The following MICAL3 variants were observed in gnomAD, a reference collection of about 807,000 sequenced individuals.
MICAL3 encodes the protein [F-actin]-monooxygenase MICAL3.
Under a neutral mutation model 207.4 loss-of-function variants are expected in MICAL3, and 62 were observed. The observed-to-expected ratio is 0.30, with a 90% CI of 0.24 to 0.37. The LOEUF (loss-of-function observed/expected upper bound fraction) is 0.37. Among genes scored for constraint, MICAL3 ranks in the 10% least tolerant of loss-of-function variants. MICAL3 has a pLI of 1.00. For synonymous variants in MICAL3, 1,077 were observed against 1,069.3 expected (o/e 1.01, Z -0.14); for missense variants, 2,368 against 2,635.6 (o/e 0.90, Z 2.22).
rs369532856 is a variant in MICAL3, at chr22:17,823,001, C to A, written c.3253G>T (p.Gly1085Trp). The change falls in exon 23 of 32, where the codon GGG becomes TGG. Residue 1085 changes from glycine (G) to tryptophan (W), a missense_variant. This residue lies in a region of MICAL3 where 1,770 missense variants were observed against 1,863.2 expected (regional missense o/e 0.95). Transcript: ENST00000441493. ...DVDSEPAEIE[G>W]EAAEDGDPGD... The stretch of plus-strand genomic sequence containing the variant: ...GGGTCCCCATCCTCTGCTGCCTCCC[C>A]TTCTATCTCGGCTGGTTCTGAGTCC... 1 of 1,613,970 alleles carries A rather than the reference C, an allele frequency of 6.2e-7. No individual in the cohort carries two copies.
intron 1 of MICAL3, among the ~76,000 whole-genome samples, chr22:17,960,940 T>G (rs1934883345): frequency 6.6e-6 from 1 of 152,000 alleles, no homozygotes; most frequent in Non-Finnish European, 1.5e-5. Context: ...AACGAGACGG[T>G]GCGGGACCTG....
intron 1 of MICAL3, among the ~76,000 whole-genome samples, chr22:17,969,391 A>T (rs1935300956): frequency 1.3e-5 from 2 of 152,232 alleles, no homozygotes; most frequent in Non-Finnish European, 2.9e-5. Context: ...GACGAGAAAG[A>T]AATGTAAAAT....
chr22:17,824,557 T>A (rs1921970362), intron 22 of MICAL3, among the ~76,000 whole-genome samples: 2 of 152,244 alleles, frequency 1.3e-5, no homozygotes, highest in African/African-American at 4.8e-5. Context: ...GTTTGTAAGA[T>A]GACGGTTCAA....
At chr22:17,842,064 G>C (rs776777241) in intron 19 of MICAL3, 47 bp from the exon 20 acceptor site, 1 of 1,545,314 alleles carries the variant, frequency 6.5e-7, no homozygotes, top group East Asian at 2.3e-5. Context: ...AACCACAGAC[G>C]GGGCGTGGGG....
intron 1 of MICAL3, among the ~76,000 whole-genome samples, chr22:17,993,884 GC>G (rs1921977715): frequency 1.3e-5 from 2 of 152,056 alleles, no homozygotes; most frequent in African/African-American, 4.8e-5. Flanking sequence ...CAAGTCAGTT[GC>G]CCTCAACTGG....
chr22:17,876,135 G>A (rs1351454376), intron 16 of MICAL3, among the ~76,000 whole-genome samples: 1 of 152,138 alleles, frequency 6.6e-6, no homozygotes, highest in Non-Finnish European at 1.5e-5. Context: ...GCAAAGATGA[G>A]GAGAAAAGAC....
intron 3 of MICAL3, among the ~76,000 whole-genome samples, chr22:17,903,578 G>C (rs544906562): frequency 9.8e-4 from 150 of 152,292 alleles, no homozygotes; most frequent in Non-Finnish European, 1.7e-3. Flanking sequence ...TCCTCCTCAC[G>C]TCATCTTGGT....
At chr22:17,897,764 C>A (rs1388902140) in intron 7 of MICAL3, among the ~76,000 whole-genome samples, 1 of 152,126 alleles carries the variant, frequency 6.6e-6, no homozygotes, top group Non-Finnish European at 1.5e-5. Context: ...CAATGGTAGT[C>A]CAGGAGGCTG....
chr22:17,971,987 C>T (rs921282605), intron 1 of MICAL3, among the ~76,000 whole-genome samples: 1 of 152,238 alleles, frequency 6.6e-6, no homozygotes, highest in Non-Finnish European at 1.5e-5. Context: ...CAGGCCACTC[C>T]ACACAAGGCC....
chr22:17,958,314 C>T (rs1333370154), intron 1 of MICAL3, among the ~76,000 whole-genome samples: 1 of 152,196 alleles, frequency 6.6e-6, no homozygotes, highest in East Asian at 1.9e-4. Flanking sequence ...TATTTGTGTT[C>T]TGTTCCCTAA....
At chr22:17,833,037 C>T (rs1373573070) in intron 20 of MICAL3, among the ~76,000 whole-genome samples, 1 of 152,178 alleles carries the variant, frequency 6.6e-6, no homozygotes, top group African/African-American at 2.4e-5. Context: ...TGCAGGCAAG[C>T]GTGGCCGACA....
chr22:17,801,895 A>G (rs920133608), intron 29 of MICAL3, among the ~76,000 whole-genome samples: 2 of 151,842 alleles, frequency 1.3e-5, no homozygotes, highest in Non-Finnish European at 2.9e-5. Context: ...CTCCATCTCA[A>G]AAAAAACAAA....
Position 17,847,972 on chromosome 22 carries a change from C to T in MICAL3, c.2606-5955G>A, listed in dbSNP as rs75409007. On this transcript the variant is annotated intron_variant, in intron 19 of 31. Transcript: ENST00000441493. ...GAGCCACCACACCCAGCCCAGCTAA[C>T]GTCATTTCAGCTACCTTCCCCATAT... 1.9e-3 allele frequency among the ~76,000 whole-genome samples: 284 copies of T among 152,254 alleles called. 2 individuals carry two copies. Among genetic ancestry groups the T allele is most frequent in the African/African-American group, 6.5e-3 (269 of 41,568 alleles).
intron 1 of MICAL3, among the ~76,000 whole-genome samples, chr22:18,015,377 T>G (rs1282827706): frequency 6.6e-6 from 1 of 151,622 alleles, no homozygotes; most frequent in African/African-American, 2.4e-5. Context: ...AAAGGCAGTA[T>G]AATAACAGCA....
At chr22:17,853,762 C>T (rs1602059399) in intron 19 of MICAL3, among the ~76,000 whole-genome samples, 1 of 152,322 alleles carries the variant, frequency 6.6e-6, no homozygotes, top group East Asian at 1.9e-4. Context: ...AGACCCAGCT[C>T]CACTCTCTGA....
At chr22:17,979,784 C>CA (rs35242147) in intron 1 of MICAL3, among the ~76,000 whole-genome samples, 37,802 of 147,900 alleles carry the variant, frequency 0.26, 5,094 homozygotes, top group East Asian at 0.51. Flanking sequence ...TTTAAAAAAA[C>CA]AAAAAAAAAC....
chr22:17,863,532 A>G lies in MICAL3; in HGVS notation c.2605+1367T>C, dbSNP rs1420588052. 3 of 985,350 alleles carry G rather than the reference A, an allele frequency of 3.0e-6. No homozygotes were observed. In the African/African-American group the frequency reaches 5.2e-5, roughly 17 times the overall value. 61.0% of individuals were successfully genotyped at this position (985,350 alleles called of 1,614,324 possible). ...GGATTATAAAGATCTTCAAGATTGT[A>G]GAAGGTTTAAAAGTCATTAATGGTT... On this transcript the variant is annotated intron_variant, in intron 19 of 31. Transcript: ENST00000441493.
intron 1 of MICAL3, among the ~76,000 whole-genome samples, chr22:17,936,823 C>T (rs1419983960): frequency 6.6e-6 from 1 of 152,012 alleles, no homozygotes; most frequent in South Asian, 2.1e-4. Context: ...GTAGGAGAGG[C>T]CCTAAGTCAG....
chr22:17,948,287 C>A (rs985345911), intron 1 of MICAL3, among the ~76,000 whole-genome samples: 3 of 152,252 alleles, frequency 2.0e-5, no homozygotes, highest in Non-Finnish European at 2.9e-5. Flanking sequence ...AGTGCCGCCA[C>A]AATCTTGCTG....
Sources: allele counts gnomAD v4.1 joint callset (sites outside exome capture counted in the v4.1 genomes callset), GRCh38; gene constraint gnomAD v4.1.1; regional missense constraint gnomAD v4.1.1; transcripts MANE v1.5; gene names NCBI Gene and HGNC (gene_info 2026-07-23, HGNC 2026-07-21).